CNDP1: variants seen among roughly 807,000 people sequenced by gnomAD.
CNDP1 encodes carnosine dipeptidase 1.
In CNDP1, 44 loss-of-function variants were observed where a neutral mutation model predicts 58.1. The observed-to-expected ratio is 0.76, with a 90% confidence interval of 0.60 to 0.97. The LOEUF (loss-of-function observed/expected upper bound fraction) is 0.97, where lower values mean the gene tolerates loss of function less well. Ranked by LOEUF, CNDP1 falls within the 50% of genes least tolerant of loss-of-function variation. The pLI is 0.00. For missense variants in CNDP1, 616 were observed against 655.1 expected (o/e 0.94, Z 0.65); for synonymous variants, 254 against 252.6 (o/e 1.01, Z -0.05).
Position 74,546,452 on chromosome 18 carries a change from C to T in CNDP1, c.25-9886C>T, listed in dbSNP as rs374210738. On this transcript the variant is annotated intron_variant, in intron 1 of 11. Coordinates refer to ENST00000358821, the MANE Select transcript of CNDP1 (RefSeq NM_032649.6). The stretch of plus-strand genomic sequence containing the variant: ...GCTGTCTTCTGCCCAGGAGAGAAGA[C>T]GCTGTACAGTGCCTTGGGCTGTGAC... Among the ~76,000 whole-genome samples the T allele has an allele frequency of 1.3e-3, 195 of 152,256 alleles. 1 individual carries two copies. In the South Asian group the frequency reaches 0.017, roughly 13 times the overall value.
intron 1 of CNDP1, among the ~76,000 whole-genome samples, chr18:74,555,365 C>T (rs1392129265): frequency 6.6e-6 from 1 of 152,104 alleles, no homozygotes; most frequent in Non-Finnish European, 1.5e-5. Context: ...CCCCCTTGGC[C>T]CTTCCCAGCC....
intron 1 of CNDP1, among the ~76,000 whole-genome samples, chr18:74,535,288 C>T (rs1449141379): frequency 6.6e-6 from 1 of 152,190 alleles, no homozygotes; most frequent in African/African-American, 2.4e-5. Flanking sequence ...AGATAAAATT[C>T]ATGGACGCTT....
chr18:74,560,261 G>A (rs541350740), intron 3 of CNDP1, among the ~76,000 whole-genome samples: 7 of 152,212 alleles, frequency 4.6e-5, no homozygotes, highest in East Asian at 1.9e-4. Context: ...TGATCCACCC[G>A]CCTTGGCTTC....
chr18:74,571,374 C>A, intron 7 of CNDP1, 104 bp downstream of exon 7: 1 of 798,668 alleles, frequency 1.3e-6, no homozygotes, highest in Admixed American at 2.0e-5. Context: ...CAGCTCTGAA[C>A]AAGGGTGTAG....
intron 1 of CNDP1, among the ~76,000 whole-genome samples, chr18:74,553,748 A>T (rs571187854): frequency 2.0e-4 from 31 of 152,306 alleles, no homozygotes; most frequent in African/African-American, 7.0e-4. Flanking sequence ...CTCCTACTTC[A>T]AAATGAGGAA....
In CNDP1 at chr18:74,559,375, G is replaced by T. The variant is rs752275078; in HGVS notation, c.206G>T (p.Arg69Leu). 2 of 1,613,902 alleles carry T rather than the reference G, an allele frequency of 1.2e-6. No homozygotes were observed. Among genetic ancestry groups the T allele is most frequent in the African/African-American group, 1.3e-5 (1 of 75,040 alleles). The change falls in exon 3 of 12, where the codon CGC (arginine) becomes CTC (leucine). Residue 69 changes from arginine (R) to leucine (L), a missense_variant. Physicochemically the swap from Arg to Leu is moderately radical, Grantham distance 102 (BLOSUM62 -2). Coordinates refer to ENST00000358821, the MANE Select transcript of CNDP1 (RefSeq NM_032649.6). ...IESDSVQPVP[R>L]FRQELFRMMA... is the part of the protein sequence containing the mutation. Reference sequence around the variant, plus strand: ...AGCGACTCTGTCCAGCCTGTGCCTCGCTTCAGACAAGAGCTCTTCAGAATG... The same window carrying T: ...AGCGACTCTGTCCAGCCTGTGCCTCTCTTCAGACAAGAGCTCTTCAGAATG...
At chr18:74,541,022 T>A (rs1004887794) in intron 1 of CNDP1, among the ~76,000 whole-genome samples, 2 of 152,204 alleles carry the variant, frequency 1.3e-5, no homozygotes, top group Non-Finnish European at 2.9e-5. Flanking sequence ...TAAATGCTAG[T>A]TCCAGACACC....
rs151182129 is a variant in CNDP1, at chr18:74,564,552, C to T, written c.555+2417C>T. Among the ~76,000 whole-genome samples, 976 of 152,288 alleles carry T rather than the reference C, an allele frequency of 6.4e-3. 7 individuals are homozygous for T. The highest frequency in any genetic ancestry group is 0.01 in the Non-Finnish European group (714 of 68,024). On this transcript the variant is annotated intron_variant, in intron 5 of 11. Transcript: ENST00000358821. ...ACAATCTTTCAAAGGAAAATGTTCTCCTTTTTCATGCTCAGAATTATGAGG... is the reference window on the plus strand; with the variant it reads ...ACAATCTTTCAAAGGAAAATGTTCTTCTTTTTCATGCTCAGAATTATGAGG...
chr18:74,556,421 G>A lies in CNDP1; in HGVS notation c.108G>A (p.Glu36=), dbSNP rs1198993726. The A allele has an allele frequency of 1.2e-6, 2 of 1,614,202 alleles. No individual in the cohort carries two copies. The highest frequency in any genetic ancestry group is 8.5e-7 in the Non-Finnish European group (1 of 1,180,034). ...CCTCCCCGCCCCCGGCGCTGTTAGA[G>A]AAAGTCTTCCAGTACATTGACCTCC... is the stretch of plus-strand genomic sequence containing the variant. The part of the protein sequence containing the change: ...SSPSPPPALL[E]KVFQYIDLHQ... Residue 36 remains glutamate (E), a synonymous_variant, in exon 2 of 12, where the codon GAG becomes GAA. Coordinates refer to ENST00000358821, the MANE Select transcript of CNDP1 (RefSeq NM_032649.6).
intron 10 of CNDP1, 89 bp from the exon 11 acceptor site, chr18:74,583,472 A>G: frequency 9.9e-7 from 1 of 1,009,492 alleles, no homozygotes; most frequent in South Asian, 1.5e-5. Flanking sequence ...AAAAAGAGAG[A>G]GGAAGGTAAA....
At chr18:74,569,243 G>A (rs916053903) in intron 6 of CNDP1, among the ~76,000 whole-genome samples, 3 of 152,152 alleles carry the variant, frequency 2.0e-5, no homozygotes, top group East Asian at 1.9e-4. Context: ...TGACCATACC[G>A]AAGATTGCTC....
chr18:74,536,143 T>C (rs573587401), intron 1 of CNDP1, among the ~76,000 whole-genome samples: 1 of 152,356 alleles, frequency 6.6e-6, no homozygotes, highest in South Asian at 2.1e-4. Flanking sequence ...TTTTACTTTT[T>C]TTTAACTTTT....
chr18:74,565,840 C>T (rs1362612445), intron 5 of CNDP1, among the ~76,000 whole-genome samples: 1 of 152,248 alleles, frequency 6.6e-6, no homozygotes, highest in Non-Finnish European at 1.5e-5. Context: ...GGGAGTGCCC[C>T]ACTAGGGACT....
intron 1 of CNDP1, among the ~76,000 whole-genome samples, chr18:74,536,049 A>G (rs570190385): frequency 1.3e-5 from 2 of 152,286 alleles, no homozygotes; most frequent in Admixed American, 1.3e-4. Context: ...AAAGAAGGAA[A>G]TATTTTGTTT....
At chr18:74,550,453 C>T (rs1206061193) in intron 1 of CNDP1, among the ~76,000 whole-genome samples, 1 of 152,126 alleles carries the variant, frequency 6.6e-6, no homozygotes, top group African/African-American at 2.4e-5. Context: ...AAGTAAATAA[C>T]TTGTTTTGAT....
At chr18:74,543,031 A>G (rs567251006) in intron 1 of CNDP1, among the ~76,000 whole-genome samples, 12 of 152,392 alleles carry the variant, frequency 7.9e-5, no homozygotes, top group Non-Finnish European at 4.4e-5. Flanking sequence ...TAGCTTTTGC[A>G]ATGTGTTAGG....
intron 1 of CNDP1, among the ~76,000 whole-genome samples, chr18:74,541,282 C>T (rs1347571009): frequency 1.3e-5 from 2 of 152,210 alleles, no homozygotes; most frequent in African/African-American, 2.4e-5. Context: ...AGGAAAGGCA[C>T]AGTGATCGGA....
intron 1 of CNDP1, among the ~76,000 whole-genome samples, chr18:74,550,497 C>T (rs543233265): frequency 6.6e-6 from 1 of 152,040 alleles, no homozygotes; most frequent in East Asian, 1.9e-4. Context: ...AACTCATCTC[C>T]AGATGAGATT....
intron 11 of CNDP1, 72 bp downstream of exon 11, chr18:74,583,780 G>A: frequency 1.4e-6 from 2 of 1,452,314 alleles, no homozygotes; most frequent in African/African-American, 1.4e-5. Flanking sequence ...ACACGTGGGT[G>A]AGCTCCTGTT....
Sources: gnomAD v4.1 joint callset for allele counts (sites outside exome capture counted in the v4.1 genomes callset) on GRCh38, gnomAD v4.1.1 for gene constraint, MANE v1.5 for transcripts, NCBI Gene and HGNC (gene_info 2026-07-23, HGNC 2026-07-21) for gene names.